The following ATP6V1E2 variants were observed in gnomAD, a reference collection of about 807,000 sequenced individuals.
The protein encoded by ATP6V1E2 is V-type proton ATPase subunit E 2.
For synonymous variants in ATP6V1E2, 121 were observed against 104.2 expected (o/e 1.16, Z -0.98); for missense variants, 308 against 273.3 (o/e 1.13, Z -0.90).
chr2:46,515,377 T>TG (rs1687665470), intron 4 of ATP6V1E2, among the ~76,000 whole-genome samples: 30 of 152,130 alleles, frequency 2.0e-4, no homozygotes, highest in Admixed American at 2.0e-3. Context: ...ATAACAATGT[T>TG]GGGGGGTAAA....
In ATP6V1E2 at chr2:46,512,653, T is replaced by A; in HGVS notation, c.59A>T (p.Glu20Val). Reference sequence around the variant, plus strand: ...CTCTGCTTTCTCATTGGCTTCCTGCTCAATGAAAGCCATCATGTGCTTAAT... The same window carrying A: ...CTCTGCTTTCTCATTGGCTTCCTGCACAATGAAAGCCATCATGTGCTTAAT... ...KQIKHMMAFI[E>V]QEANEKAEEI... Residue 20 changes from glutamate (E) to valine (V), a missense_variant, in exon 5 of 5, where the codon GAG (glutamate) becomes GTG (valine). Transcript: ENST00000522587. 6.2e-7 allele frequency: 1 copy of A among 1,614,208 alleles called. No homozygotes were observed.
intron 2 of ATP6V1E2, among the ~76,000 whole-genome samples, chr2:46,537,819 A>T (rs550486103): frequency 6.6e-6 from 1 of 152,298 alleles, no homozygotes; most frequent in East Asian, 1.9e-4. Context: ...GATGCAAATG[A>T]ATGTGTTTTA....
At chr2:46,529,797 A>G (rs1010979852) in intron 4 of ATP6V1E2, among the ~76,000 whole-genome samples, 1 of 151,466 alleles carries the variant, frequency 6.6e-6, no homozygotes, top group Non-Finnish European at 1.5e-5. Flanking sequence ...ATAACAATTT[A>G]TTGAACCCAT....
chr2:46,529,493 G>A (rs185098912), intron 4 of ATP6V1E2, among the ~76,000 whole-genome samples: 78 of 152,320 alleles, frequency 5.1e-4, no homozygotes, highest in Admixed American at 6.5e-4. Context: ...GGTGGCTCAC[G>A]CCTGTAATCC....
At chr2:46,528,040 G>C (rs970790394) in intron 4 of ATP6V1E2, 1 of 152,122 alleles carries the variant, frequency 6.6e-6, no homozygotes, top group African/African-American at 2.4e-5. Context: ...TCATTTACTG[G>C]ATCATCACTG....
chr2:46,524,988 TG>T (rs921041930), intron 4 of ATP6V1E2, among the ~76,000 whole-genome samples: 2 of 151,480 alleles, frequency 1.3e-5, no homozygotes, highest in African/African-American at 4.9e-5. Context: ...CTGGGGGTGG[TG>T]GGGGCAGGAG....
intron 4 of ATP6V1E2, among the ~76,000 whole-genome samples, chr2:46,526,155 G>T (rs770338919): frequency 7.9e-5 from 12 of 152,068 alleles, no homozygotes; most frequent in Non-Finnish European, 1.8e-4. Flanking sequence ...CACTCTTGTT[G>T]CCCAGGCTGG....
intron 1 of ATP6V1E2, 133 bp downstream of exon 1, chr2:46,542,084 T>C (rs1667807867): frequency 6.6e-6 from 1 of 152,080 alleles, no homozygotes; most frequent in Non-Finnish European, 1.5e-5. Context: ...TAGTAAATGA[T>C]TAAAGCTCGT....
Position 46,515,775 on chromosome 2 carries a change from G to A in ATP6V1E2, c.-101-2963C>T, listed in dbSNP as rs1343543345. ...AATAAACAAGATCTTACTATTTGCT[G>A]TCTACAAGAGACTAATTTTAGAAAT... On this transcript the variant is annotated intron_variant, in intron 4 of 4. Coordinates refer to ENST00000522587, the MANE Select transcript of ATP6V1E2 (RefSeq NM_001318063.2). 2.0e-5 allele frequency among the ~76,000 whole-genome samples: 3 copies of A among 152,298 alleles called. No homozygotes were observed. In the East Asian group the frequency reaches 5.8e-4, roughly 29 times the overall value.
chr2:46,538,318 T>C (rs1274676576), intron 2 of ATP6V1E2, among the ~76,000 whole-genome samples: 5 of 152,238 alleles, frequency 3.3e-5, no homozygotes, highest in Admixed American at 6.5e-5. Context: ...ATGTGGAATA[T>C]GGCAAATGCA....
intron 4 of ATP6V1E2, among the ~76,000 whole-genome samples, chr2:46,515,388 A>T (rs1687666554): frequency 6.6e-6 from 1 of 152,238 alleles, no homozygotes; most frequent in Non-Finnish European, 1.5e-5. Flanking sequence ...GGGGGGTAAA[A>T]AAAGAGTTTT....
chr2:46,521,923 C>T (rs1666646913), intron 4 of ATP6V1E2, among the ~76,000 whole-genome samples: 1 of 135,686 alleles, frequency 7.4e-6, no homozygotes, highest in East Asian at 2.6e-4. Flanking sequence ...ATCTCCTGAC[C>T]TCGTGATCCA....
Position 46,512,153 on chromosome 2 carries a change from T to A in ATP6V1E2, c.559A>T (p.Asn187Tyr). The change falls in exon 5 of 5, where the codon AAT becomes TAT. Residue 187 changes from asparagine to tyrosine, a missense_variant. Physicochemically the swap from Asn to Tyr is moderately radical, Grantham distance 143. Coordinates refer to ENST00000522587, the MANE Select transcript of ATP6V1E2 (RefSeq NM_001318063.2). ...GTATTTGAAACCTTTATTCTCTGAT[T>A]GCCACTGTAGACCTCCACACCTCCA... is the stretch of plus-strand genomic sequence containing the variant. ...AAGGVEVYSG[N>Y]QRIKVSNTLE... The A allele has an allele frequency of 5.0e-6, 8 of 1,614,204 alleles. No individual in the cohort carries two copies. Among genetic ancestry groups the A allele is most frequent in the Non-Finnish European group, 5.9e-6 (7 of 1,180,022 alleles).
intron 4 of ATP6V1E2, among the ~76,000 whole-genome samples, chr2:46,533,210 GATA>G (rs1667272253): frequency 1.8e-5 from 1 of 56,706 alleles, no homozygotes; most frequent in Admixed American, 1.9e-4. Flanking sequence ...TGTGTAGATA[GATA>G]GATAGATAGA....
At chr2:46,533,674 G>C (rs191993783) in intron 4 of ATP6V1E2, among the ~76,000 whole-genome samples, 16 of 152,138 alleles carry the variant, frequency 1.1e-4, no homozygotes, top group Non-Finnish European at 1.9e-4. Context: ...TCTTTGTGTA[G>C]GTCAGTGGTT....
chr2:46,522,704 T>G (rs1666701731), intron 4 of ATP6V1E2, among the ~76,000 whole-genome samples: 1 of 152,210 alleles, frequency 6.6e-6, no homozygotes. Flanking sequence ...TAAACATACA[T>G]GTGCATGTGT....
At chr2:46,523,202 G>A (rs867385268) in intron 4 of ATP6V1E2, among the ~76,000 whole-genome samples, 22 of 152,240 alleles carry the variant, frequency 1.4e-4, no homozygotes, top group Middle Eastern at 3.4e-3. Flanking sequence ...TCACTCTGAT[G>A]ATAGTTTCTT....
intron 4 of ATP6V1E2, among the ~76,000 whole-genome samples, chr2:46,522,547 C>A (rs1014447879): frequency 2.0e-5 from 3 of 152,148 alleles, no homozygotes; most frequent in African/African-American, 7.2e-5. Flanking sequence ...CAGCTTCATC[C>A]ATGCCCCTGT....
intron 4 of ATP6V1E2, among the ~76,000 whole-genome samples, chr2:46,526,041 AC>A (rs1666902940): frequency 6.6e-6 from 1 of 152,034 alleles, no homozygotes; most frequent in African/African-American, 2.4e-5. Context: ...TAAAAGTGAA[AC>A]CTTTTTTGTT....
Sources: allele counts gnomAD v4.1 joint callset (sites outside exome capture counted in the v4.1 genomes callset), GRCh38; gene constraint gnomAD v4.1.1; transcripts MANE v1.5; gene names NCBI Gene and HGNC (gene_info 2026-07-23, HGNC 2026-07-21).